MFHAS1: variants seen among roughly 807,000 people sequenced by gnomAD.
MFHAS1 encodes the protein malignant fibrous histiocytoma-amplified sequence 1.
Under a neutral mutation model 70.4 loss-of-function variants are expected in MFHAS1, and 50 were observed. The ratio of observed to expected loss-of-function variants is 0.71; its 90% CI spans 0.57 to 0.90. MFHAS1 has a LOEUF of 0.90. MFHAS1 is among the 40% of genes least tolerant of loss of function. The probability of loss-of-function intolerance (pLI) is 0.00; values close to 1 mark genes in which losing one functional copy is unlikely to be tolerated. For missense variants in MFHAS1, 1,795 were observed against 1,347.6 expected, an observed-to-expected ratio of 1.33 and a Z score of -5.20; for synonymous variants, 952 against 620.0, an observed-to-expected ratio of 1.54 and a Z score of -7.96.
intron 1 of MFHAS1, among the ~76,000 whole-genome samples, chr8:8,803,754 C>G (rs1161931043): frequency 6.6e-6 from 1 of 151,634 alleles, no homozygotes; most frequent in African/African-American, 2.4e-5. Flanking sequence ...GGCAAATCAC[C>G]TGAGGTCAGG....
intron 1 of MFHAS1, among the ~76,000 whole-genome samples, chr8:8,797,720 C>G (rs2117259121): frequency 6.6e-6 from 1 of 152,260 alleles, no homozygotes; most frequent in African/African-American, 2.4e-5. Context: ...ATGGTTATGG[C>G]AGGAAGGCCC....
chr8:8,870,809 C>A (rs1172545475), intron 1 of MFHAS1, among the ~76,000 whole-genome samples: 2 of 152,242 alleles, frequency 1.3e-5, no homozygotes, highest in African/African-American at 4.8e-5. Flanking sequence ...GCTCCCCTCC[C>A]ATGCCCCATG....
intron 1 of MFHAS1, among the ~76,000 whole-genome samples, chr8:8,872,257 A>T (rs930556800): frequency 6.6e-6 from 1 of 152,188 alleles, no homozygotes; most frequent in African/African-American, 2.4e-5. Context: ...AGAGGAATGT[A>T]CACCGTTCTA....
chr8:8,870,597 C>G (rs1809038762), intron 1 of MFHAS1, among the ~76,000 whole-genome samples: 1 of 152,208 alleles, frequency 6.6e-6, no homozygotes, highest in Non-Finnish European at 1.5e-5. Context: ...CAGAAAGTCC[C>G]TACGACTCAC....
At chr8:8,878,058 G>C (rs895652320) in intron 1 of MFHAS1, among the ~76,000 whole-genome samples, 3 of 152,122 alleles carry the variant, frequency 2.0e-5, no homozygotes, top group Non-Finnish European at 4.4e-5. Context: ...CTCAACTACA[G>C]TGTGGCCTTT....
At chr8:8,787,355 C>T (rs1349353494) in intron 2 of MFHAS1, among the ~76,000 whole-genome samples, 1 of 152,130 alleles carries the variant, frequency 6.6e-6, no homozygotes, top group Non-Finnish European at 1.5e-5. Flanking sequence ...ACTGGGATTA[C>T]AGGTGTGAGC....
At chr8:8,875,687 T>G (rs1195978967) in intron 1 of MFHAS1, among the ~76,000 whole-genome samples, 3 of 152,032 alleles carry the variant, frequency 2.0e-5, no homozygotes, top group African/African-American at 7.2e-5. Context: ...GCCTCCTGGG[T>G]TCAAGCGATT....
At chr8:8,873,258 T>C (rs1339208100) in intron 1 of MFHAS1, among the ~76,000 whole-genome samples, 1 of 152,196 alleles carries the variant, frequency 6.6e-6, no homozygotes, top group African/African-American at 2.4e-5. Flanking sequence ...TAATAGCATG[T>C]TCAGGGAAAA....
chr8:8,875,871 G>A (rs760814832), intron 1 of MFHAS1, among the ~76,000 whole-genome samples: 8 of 152,326 alleles, frequency 5.3e-5, no homozygotes, highest in South Asian at 4.1e-4. Context: ...ACAGGTGTGA[G>A]CCACCATGCC....
intron 1 of MFHAS1, among the ~76,000 whole-genome samples, chr8:8,804,960 T>C (rs77030394): frequency 0.011 from 1,742 of 152,262 alleles, 37 homozygotes; most frequent in African/African-American, 0.04. Context: ...TTAAAATTAT[T>C]TTTTGGTTTG....
At chr8:8,853,606 G>C (rs894347796) in intron 1 of MFHAS1, among the ~76,000 whole-genome samples, 5 of 151,934 alleles carry the variant, frequency 3.3e-5, no homozygotes, top group African/African-American at 1.2e-4. Context: ...TTGTTCTGTC[G>C]CCCAGGCTGG....
At chr8:8,807,589 C>G (rs1442278860) in intron 1 of MFHAS1, among the ~76,000 whole-genome samples, 3 of 152,144 alleles carry the variant, frequency 2.0e-5, no homozygotes, top group Non-Finnish European at 4.4e-5. Flanking sequence ...GAACCTTCTT[C>G]TGAGAGCAAA....
At chr8:8,826,550 C>T (rs1468806148) in intron 1 of MFHAS1, among the ~76,000 whole-genome samples, 3 of 152,078 alleles carry the variant, frequency 2.0e-5, no homozygotes, top group South Asian at 2.1e-4. Context: ...CTGGCCAACA[C>T]GGCGAAACCT....
intron 1 of MFHAS1, among the ~76,000 whole-genome samples, chr8:8,828,993 T>C (rs193072948): frequency 2.6e-5 from 4 of 152,278 alleles, no homozygotes; most frequent in Non-Finnish European, 5.9e-5. Flanking sequence ...AGCAGCCTTC[T>C]TCCTACAATG....
At chr8:8,801,368 G>C (rs190134024) in intron 1 of MFHAS1, among the ~76,000 whole-genome samples, 1 of 152,328 alleles carries the variant, frequency 6.6e-6, no homozygotes, top group Admixed American at 6.5e-5. Context: ...CATGGAAACA[G>C]AGCACGAAGG....
At chr8:8,794,056 T>G (rs11778326) in intron 2 of MFHAS1, among the ~76,000 whole-genome samples, 30,727 of 151,758 alleles carry the variant, frequency 0.2, 3,382 homozygotes, top group African/African-American at 0.27. Flanking sequence ...TAGGTGTGGT[T>G]GTGTGCGCCT....
intron 1 of MFHAS1, among the ~76,000 whole-genome samples, chr8:8,887,613 A>C (rs1017592846): frequency 6.6e-6 from 1 of 150,690 alleles, no homozygotes; most frequent in Non-Finnish European, 1.5e-5. Flanking sequence ...CGTGCTCTAA[A>C]AACAACTGAT....
Position 8,784,731 on chromosome 8 carries a change from C to T in MFHAS1, c.*1291G>A, listed in dbSNP as rs1446386251. On this transcript the variant is annotated 3_prime_UTR_variant, in exon 3 of 3. Transcript: ENST00000276282. ...GTTTTATACATTTTCGATCAACCCA[C>T]GGAGGAGGCAAATGTAAACAGAGTT... The T allele has an allele frequency of 1.3e-5, 2 of 152,128 alleles. No homozygotes were observed. The highest frequency in any genetic ancestry group is 6.5e-5 in the Admixed American group (1 of 15,274). The allele number at this position is 152,128 out of a possible 1,614,324, so 9.4% of individuals were successfully genotyped here.
At chr8:8,797,567 C>T in intron 1 of MFHAS1, 76 bp from the exon 2 acceptor site, 4 of 1,502,408 alleles carry the variant, frequency 2.7e-6, no homozygotes, top group African/African-American at 1.4e-5. Context: ...ACAGCACTGC[C>T]CGGGGATGGG....
Sources: gnomAD v4.1 joint callset for allele counts (sites outside exome capture counted in the v4.1 genomes callset) on GRCh38, gnomAD v4.1.1 for gene constraint, MANE v1.5 for transcripts, NCBI Gene and HGNC (gene_info 2026-07-23, HGNC 2026-07-21) for gene names.